The following ZACN variants were observed in gnomAD, a reference collection of about 807,000 sequenced individuals.
ZACN encodes the protein ligand-gated cation channel ZACN.
A neutral mutation model predicts 38.9 loss-of-function variants in ZACN; 52 were observed. That is an observed-to-expected ratio of 1.34 (90% confidence interval 1.07 to 1.68). The LOEUF (loss-of-function observed/expected upper bound fraction) is 1.68. Ranked by LOEUF, ZACN falls within the 40% of genes most tolerant of loss-of-function variation. ZACN has a pLI of 0.00. For missense variants in ZACN, 559 were observed against 525.6 expected (o/e 1.06, Z -0.62); for synonymous variants, 235 against 227.4 (o/e 1.03, Z -0.30).
At chr17:76,079,666 C>A (rs370157774) in intron 2 of ZACN, 36 bp from the exon 3 acceptor site, 1 of 1,611,192 alleles carries the variant, frequency 6.2e-7, no homozygotes, top group Admixed American at 1.7e-5. Context: ...TTCAACACAG[C>A]GCTCACCCTG....
rs200409500 is a variant in ZACN at position 76,080,918 on chromosome 17, C to A, written c.545-360C>A. Reference sequence around the variant, plus strand: ...ATCTAACTTGGCAGAGAAGTCCTACCCTTCCCTCCATGAGAGACCACAGCG... The same window carrying A: ...ATCTAACTTGGCAGAGAAGTCCTACACTTCCCTCCATGAGAGACCACAGCG... On this transcript the variant is annotated intron_variant, in intron 5 of 8. Coordinates refer to ENST00000334586, the MANE Select transcript of ZACN (RefSeq NM_180990.4). The A allele has an allele frequency of 1.6e-5, 7 of 437,636 alleles. No homozygotes were observed. The East Asian group carries it at 4.7e-4, about 29-fold the overall frequency. The allele number at this position is 437,636 out of a possible 1,614,324, so 27.1% of individuals were successfully genotyped here. A position where few individuals can be genotyped will look rare whatever the true frequency, so the allele number is the denominator to read the frequency against.
At position 76,081,298 on chromosome 17, in the gene ZACN, GC is replaced by G. The variant is rs758213401; in HGVS notation, c.568del (p.His190ThrfsTer3). ...CTCAGCGATGGAGTTAGAGTTCCAG[GC>G]CCACGTGGTGAACGAGATTGTGAGT... The part of the protein sequence containing the change: ...SNTAMELEFQ[A>X]HVVNEIVSVK... On this transcript the variant is annotated frameshift_variant, in exon 6 of 9. Transcript: ENST00000334586. LOFTEE classifies it high-confidence loss of function. The G allele has an allele frequency of 1.2e-6, 2 of 1,614,010 alleles. No individual in the cohort carries two copies. The highest frequency in any genetic ancestry group is 2.2e-5 in the East Asian group (1 of 44,874).
chr17:76,080,740 T>C (rs1308079289), intron 5 of ZACN: 1 of 513,668 alleles, frequency 1.9e-6, no homozygotes, highest in Admixed American at 2.3e-5. Context: ...AGCACATCAG[T>C]CTTCTGTCCT....
Position 76,082,759 on chromosome 17 carries a change from C to A in ZACN, c.*106C>A. On this transcript the variant is annotated 3_prime_UTR_variant, in exon 9 of 9. Transcript: ENST00000334586. ...ATTAAGCCACCCTGAGCTCTCCCTC[C>A]GCTAGCACACAAGCACAGAGCGTGA... 1.8e-6 allele frequency: 2 copies of A among 1,097,474 alleles called. No homozygotes were observed. The highest frequency in any genetic ancestry group is 2.5e-6 in the Non-Finnish European group (2 of 790,720). 68.0% of individuals were successfully genotyped at this position (1,097,474 alleles called of 1,614,324 possible). A position where few individuals can be genotyped will look rare whatever the true frequency, so the allele number is the denominator to read the frequency against.
Position 76,079,525 on chromosome 17 carries a change from G to A in ZACN, c.184G>A (p.Val62Met), listed in dbSNP as rs779622712. The part of the protein sequence containing the change: ...IPNNGSAPLL[V>M]DVRVFVSNVF... ...GAACAATGGGAGTGCGCCCCTGCTC[G>A]TGGATGTGCGGGTGTTTGTCTCCAA... Residue 62 changes from valine to methionine, a missense_variant, in exon 2 of 9, where the codon GTG becomes ATG. Coordinates refer to ENST00000334586, the MANE Select transcript of ZACN (RefSeq NM_180990.4). 28 of 1,614,100 alleles carry A rather than the reference G, an allele frequency of 1.7e-5. No individual in the cohort carries two copies. Among genetic ancestry groups the A allele is most frequent in the South Asian group, 2.2e-5 (2 of 91,088 alleles).
At position 76,081,552 on chromosome 17, in the gene ZACN, T is replaced by TG. The variant is rs1320299818; in HGVS notation, c.678dup (p.Lys227GlufsTer22). ...TGACTTTTCCCCTTCCAGCTGAGGC[T>TG]GAAGAACACGGCGCTCAAGTCCATC... On this transcript the variant is annotated frameshift_variant, in exon 7 of 9. Coordinates refer to ENST00000334586, the MANE Select transcript of ZACN (RefSeq NM_180990.4). LOFTEE classifies it high-confidence loss of function. 5.0e-6 allele frequency: 8 copies of TG among 1,613,516 alleles called. No individual in the cohort carries two copies. In the Admixed American group the frequency reaches 1.3e-4, roughly 27 times the overall value.
Position 76,079,740 on chromosome 17 carries a change from T to C in ZACN, c.261T>C (p.Leu87=). ...ACACAATGTCCTCCATGCTGCTGCT[T>C]AGGCTGGTGAGCTCCTATGCCTGGG... ...LRYTMSSMLL[L]RLSWLDTRLA... Residue 87 remains leucine (L), a synonymous_variant, in exon 3 of 9, where the codon CTT becomes CTC. Transcript: ENST00000334586. 6.2e-7 allele frequency: 1 copy of C among 1,613,572 alleles called. No homozygotes were observed. The highest frequency in any genetic ancestry group is 8.5e-7 in the Non-Finnish European group (1 of 1,179,680).
In ZACN at chr17:76,080,408, C is replaced by G. The variant is rs372564433; in HGVS notation, c.528C>G (p.Tyr176Ter). Residue 176 changes from tyrosine (Y) to a stop codon, truncating the protein, a stop_gained, in exon 5 of 9, where the codon TAC (tyrosine) becomes TAG (stop). Coordinates refer to ENST00000334586, the MANE Select transcript of ZACN (RefSeq NM_180990.4). LOFTEE classifies it high-confidence loss of function. ...RDHSNCSLSF[Y>*]ALSNTAMELE... ...ACAGCAACTGCAGCCTCAGCTTCTA[C>G]GCTCTCAGCAACACGGGTGCTGACA... 8 of 1,613,806 alleles carry G rather than the reference C, an allele frequency of 5.0e-6. No individual in the cohort carries two copies. Among genetic ancestry groups the G allele is most frequent in the Non-Finnish European group, 6.8e-6 (8 of 1,180,022 alleles).
rs918376843 is a variant in ZACN at position 76,080,575 on chromosome 17, C to A, written c.544+151C>A. ...CGAACTCCCAGGTCTGTGTTCAGAGCAGTCTACCCCAGGCTTAGGCGGGCA... is the reference window on the plus strand; with the variant it reads ...CGAACTCCCAGGTCTGTGTTCAGAGAAGTCTACCCCAGGCTTAGGCGGGCA... On this transcript the variant is annotated intron_variant, in intron 5 of 8. Coordinates refer to ENST00000334586, the MANE Select transcript of ZACN (RefSeq NM_180990.4). 7.2e-6 allele frequency: 8 copies of A among 1,114,582 alleles called. No homozygotes were observed. In the East Asian group the frequency reaches 1.3e-4, roughly 18 times the overall value. 69.0% of individuals were successfully genotyped at this position (1,114,582 alleles called of 1,614,324 possible).
intron 4 of ZACN, 27 bp from the exon 5 acceptor site, chr17:76,080,228 C>A (rs1458192387): frequency 6.9e-6 from 11 of 1,596,774 alleles, no homozygotes; most frequent in Non-Finnish European, 9.4e-6. Flanking sequence ...GGGGCTGGGG[C>A]TCTGGCTGTG....
In ZACN at chr17:76,079,728, C is replaced by T; in HGVS notation, c.249C>T (p.Ser83=). ...ACATCCTGCGATACACAATGTCCTC[C>T]ATGCTGCTGCTTAGGCTGGTGAGCT... ...NVDILRYTMS[S]MLLLRLSWLD... is the part of the protein sequence containing the mutation. The change falls in exon 3 of 9, where the codon TCC becomes TCT. Residue 83 remains serine, a synonymous_variant. Transcript: ENST00000334586. The T allele has an allele frequency of 1.9e-6, 3 of 1,613,666 alleles. No individual in the cohort carries two copies. Among genetic ancestry groups the T allele is most frequent in the South Asian group, 2.2e-5 (2 of 90,936 alleles).
At chr17:76,080,539 C>A (rs1294189810) in intron 5 of ZACN, 115 bp downstream of exon 5, 12 of 1,426,898 alleles carry the variant, frequency 8.4e-6, no homozygotes, top group Admixed American at 1.9e-5. Flanking sequence ...GGGGCAAAGG[C>A]AGACAGAAGG....
rs759713567 is a variant in ZACN at position 76,079,485 on chromosome 17, A to G, written c.144A>G (p.Glu48=). ...TCAACTTGTCCAAGAAGGTTCAGGA[A>G]AGCATCCAGATCCCGAACAATGGGA... is the stretch of plus-strand genomic sequence containing the variant. ...FNVNLSKKVQ[E]SIQIPNNGSA... Residue 48 remains glutamate (E), a synonymous_variant, in exon 2 of 9, where the codon GAA becomes GAG. Coordinates refer to ENST00000334586, the MANE Select transcript of ZACN (RefSeq NM_180990.4). The G allele has an allele frequency of 6.2e-7, 1 of 1,614,018 alleles. No individual in the cohort carries two copies. Among genetic ancestry groups the G allele is most frequent in the African/African-American group, 1.3e-5 (1 of 74,884 alleles).
chr17:76,080,470 G>A (rs1240539076), intron 5 of ZACN, 46 bp downstream of exon 5: 2 of 1,605,790 alleles, frequency 1.2e-6, no homozygotes, highest in Admixed American at 1.7e-5. Flanking sequence ...GGAGGAGGAA[G>A]GTGGGGGAGG....
chr17:76,081,318 T>C lies in ZACN; in HGVS notation c.585T>C (p.Ile195=). 6.2e-7 allele frequency: 1 copy of C among 1,614,058 alleles called. No individual in the cohort carries two copies. ...LEFQAHVVNE[I]VSVKREYVVY... ...TCCAGGCCCACGTGGTGAACGAGAT[T>C]GTGAGTGTCAAGAGGGAATACGTAG... is the stretch of plus-strand genomic sequence containing the variant. Residue 195 remains isoleucine (I), a synonymous_variant, in exon 6 of 9, where the codon ATT becomes ATC. Transcript: ENST00000334586.
chr17:76,081,315 G>T lies in ZACN; in HGVS notation c.582G>T (p.Glu194Asp), dbSNP rs1315911704. 1 of 1,614,046 alleles carries T rather than the reference G, an allele frequency of 6.2e-7. No individual in the cohort carries two copies. Among genetic ancestry groups the T allele is most frequent in the Non-Finnish European group, 8.5e-7 (1 of 1,180,042 alleles). Residue 194 changes from glutamate (E) to aspartate (D), a missense_variant, in exon 6 of 9, where the codon GAG (glutamate) becomes GAT (aspartate). Coordinates refer to ENST00000334586, the MANE Select transcript of ZACN (RefSeq NM_180990.4). ...ELEFQAHVVN[E>D]IVSVKREYVV... ...AGTTCCAGGCCCACGTGGTGAACGA[G>T]ATTGTGAGTGTCAAGAGGGAATACG... is the stretch of plus-strand genomic sequence containing the variant.
Position 76,082,574 on chromosome 17 carries a change from G to C in ZACN, c.1160G>C (p.Gly387Ala). ...CTGTGCACCCAATTCGTCTTTGCAGGAATCTGGATGTGGGCAGCGTGCAAG... is the reference window on the plus strand; with the variant it reads ...CTGTGCACCCAATTCGTCTTTGCAGCAATCTGGATGTGGGCAGCGTGCAAG... ...GVLCTQFVFA[G>A]IWMWAACKSD... Residue 387 changes from glycine (G) to alanine (A), a missense_variant, in exon 9 of 9, where the codon GGA (glycine) becomes GCA (alanine). Transcript: ENST00000334586. 6 of 1,613,726 alleles carry C rather than the reference G, an allele frequency of 3.7e-6. No homozygotes were observed. The highest frequency in any genetic ancestry group is 4.2e-6 in the Non-Finnish European group (5 of 1,179,940).
rs1567943891 is a variant in ZACN, at chr17:76,079,719, A to T, written c.240A>T (p.Thr80=). ...NVFNVDILRY[T]MSSMLLLRLS... is the part of the protein sequence containing the mutation. Reference sequence around the variant, plus strand: ...TCCCCCAGGACATCCTGCGATACACAATGTCCTCCATGCTGCTGCTTAGGC... The same window carrying T: ...TCCCCCAGGACATCCTGCGATACACTATGTCCTCCATGCTGCTGCTTAGGC... The change falls in exon 3 of 9, where the codon ACA becomes ACT. Residue 80 remains threonine (T), a synonymous_variant. Transcript: ENST00000334586. 6.2e-7 allele frequency: 1 copy of T among 1,613,712 alleles called. No homozygotes were observed. The highest frequency in any genetic ancestry group is 1.7e-4 in the Middle Eastern group (1 of 6,060).
rs529296856 is a variant in ZACN at position 76,079,995 on chromosome 17, G to T, written c.374+1G>T. 11 of 1,571,892 alleles carry T rather than the reference G, an allele frequency of 7.0e-6. No individual in the cohort carries two copies. The South Asian group carries it at 1.1e-4, about 15-fold the overall frequency. On this transcript the variant is annotated splice_donor_variant, in intron 4 of 8. Coordinates refer to ENST00000334586, the MANE Select transcript of ZACN (RefSeq NM_180990.4). LOFTEE classifies it high-confidence loss of function. ...CACCAAGGCTCACCATCCTGGAGGCGTAAGTGAGACAGTTCCTGCCCCAGG... is the reference window on the plus strand; with the variant it reads ...CACCAAGGCTCACCATCCTGGAGGCTTAAGTGAGACAGTTCCTGCCCCAGG...
Sources: gnomAD v4.1 joint callset for allele counts on GRCh38, gnomAD v4.1.1 for gene constraint, MANE v1.5 for transcripts, NCBI Gene and HGNC (gene_info 2026-07-23, HGNC 2026-07-21) for gene names.